Variants in ZNF687 observed in about 807,000 individuals in gnomAD.
The protein encoded by ZNF687 is zinc finger protein 687.
A neutral mutation model predicts 71.8 loss-of-function variants in ZNF687; 13 were observed. The ratio of observed to expected loss-of-function variants is 0.18; its 90% CI spans 0.12 to 0.29. The LOEUF is 0.29. Ranked by LOEUF, ZNF687 falls within the 10% of genes least tolerant of loss-of-function variation. The pLI is 1.00. For synonymous variants in ZNF687, 673 were observed against 641.6 expected (o/e 1.05, Z -0.74); for missense variants, 1,412 against 1,625.6 (o/e 0.87, Z 2.26).
Position 151,287,997 on chromosome 1 carries a change from G to A in ZNF687, c.1706G>A (p.Arg569His). 8.7e-6 allele frequency: 14 copies of A among 1,614,038 alleles called. No individual in the cohort carries two copies. Among genetic ancestry groups the A allele is most frequent in the Non-Finnish European group, 1.1e-5 (13 of 1,180,036 alleles). Residue 569 changes from arginine to histidine, a missense_variant, in exon 2 of 9, where the codon CGC (arginine) becomes CAC (histidine). Arg to His is a conservative substitution (Grantham distance 29). Coordinates refer to ENST00000336715, the MANE Select transcript of ZNF687 (RefSeq NM_020832.3). The surrounding 1 kb of genome is among the most constrained non-coding windows in gnomAD (Gnocchi z 5.0). The stretch of plus-strand genomic sequence containing the variant: ...GTCACCTGCAACCACTGCGCCCGCC[G>A]CCTGGTCTTCTTCAACAAGTGCAGC... ...IEVTCNHCAR[R>H]LVFFNKCSLL...
intron 1 of ZNF687, among the ~76,000 whole-genome samples, chr1:151,282,676 G>A (rs1693766587): frequency 6.6e-6 from 1 of 152,052 alleles, no homozygotes; most frequent in Non-Finnish European, 1.5e-5. Flanking sequence ...AGTGCGGCCC[G>A]GAGATTGAAG....
Position 151,290,844 on chromosome 1 carries a change from A to G in ZNF687, c.3349A>G (p.Ser1117Gly). The change falls in exon 9 of 9, where the codon AGC (serine) becomes GGC (glycine). Residue 1117 changes from serine (S) to glycine (G), a missense_variant. Around this residue, in one of 8 missense-constraint regions of ZNF687, gnomAD observed 284 missense variants for 359.2 expected, o/e 0.79. Transcript: ENST00000336715. ...CCATGGCCCTCTGCGCTACCGGAGCAGCAGCTCCACAGAACAGAGCCTCAT... is the reference window on the plus strand; with the variant it reads ...CCATGGCCCTCTGCGCTACCGGAGCGGCAGCTCCACAGAACAGAGCCTCAT... ...GGHGPLRYRS[S>G]SSTEQSLMMG... The G allele has an allele frequency of 4.3e-6, 7 of 1,614,038 alleles. No homozygotes were observed. The highest frequency in any genetic ancestry group is 5.9e-6 in the Non-Finnish European group (7 of 1,180,014).
At chr1:151,284,326 G>A in intron 1 of ZNF687, 1 of 949,132 alleles carries the variant, frequency 1.1e-6, no homozygotes, top group African/African-American at 1.8e-5. Flanking sequence ...GAGAAGGAAG[G>A]GCTGGCTAGG....
chr1:151,290,260 TC>T lies in ZNF687; in HGVS notation c.3077+28del, dbSNP rs757856738. On this transcript the variant is annotated intron_variant, in intron 7 of 8. Transcript: ENST00000336715. Reference sequence around the variant, plus strand: ...GTAAGTCTTGCTCCCCGCTTCCTCTTCCTGCCCAGCACGTGACTCTCCCTGT... The same window carrying T: ...GTAAGTCTTGCTCCCCGCTTCCTCTTCTGCCCAGCACGTGACTCTCCCTGT... The T allele has an allele frequency of 6.5e-4, 1,050 of 1,612,536 alleles. 12 individuals carry two copies. The highest frequency in any genetic ancestry group is 3.0e-5 in the Non-Finnish European group (35 of 1,178,906).
chr1:151,285,838 T>C (rs116753436), intron 1 of ZNF687: 5,243 of 153,702 alleles, frequency 0.034, 132 homozygotes, highest in Non-Finnish European at 0.047. Context: ...GCCTCCTTTG[T>C]AGCTGCGATT....
rs762198505 is a variant in ZNF687 at position 151,290,989 on chromosome 1, G to A, written c.3494G>A (p.Gly1165Asp). 31 of 1,613,866 alleles carry A rather than the reference G, an allele frequency of 1.9e-5. No homozygotes were observed. Among genetic ancestry groups the A allele is most frequent in the Middle Eastern group, 3.3e-4 (2 of 6,082 alleles). The part of the protein sequence containing the change: ...FISHKKRRGV[G>D]KASALGLGDG... ...AGCCACAAGAAGAGACGGGGTGTGGGTAAAGCCAGTGCCCTGGGGCTGGGG... is the reference window on the plus strand; with the variant it reads ...AGCCACAAGAAGAGACGGGGTGTGGATAAAGCCAGTGCCCTGGGGCTGGGG... Residue 1165 changes from glycine to aspartate, a missense_variant, in exon 9 of 9, where the codon GGT becomes GAT. Physicochemically the swap from Gly to Asp is moderately conservative, Grantham distance 94. Coordinates refer to ENST00000336715, the MANE Select transcript of ZNF687 (RefSeq NM_020832.3).
chr1:151,289,011 A>G, intron 3 of ZNF687, 84 bp from the exon 4 acceptor site: 1 of 1,426,848 alleles, frequency 7.0e-7, no homozygotes, highest in Non-Finnish European at 9.7e-7. Flanking sequence ...TAGTCTACCC[A>G]GTCCCAGAGA....
At chr1:151,284,053 T>C (rs945856543) in intron 1 of ZNF687, 1 of 985,346 alleles carries the variant, frequency 1.0e-6, no homozygotes, top group African/African-American at 1.7e-5. Context: ...TAGTGCCACA[T>C]AATTCTTGTG....
chr1:151,288,096 T>C lies in ZNF687; in HGVS notation c.1805T>C (p.Val602Ala), dbSNP rs1189526825. Residue 602 changes from valine to alanine, a missense_variant, in exon 2 of 9, where the codon GTA (valine) becomes GCA (alanine). By Grantham distance (64) the Val-to-Ala change is moderately conservative (BLOSUM62 0). Around this residue, in one of 8 missense-constraint regions of ZNF687, gnomAD observed 207 missense variants for 239.2 expected, o/e 0.87. Coordinates refer to ENST00000336715, the MANE Select transcript of ZNF687 (RefSeq NM_020832.3). ...TGCTCACATTTGGTCATGAGGCCTG[T>C]AGCCCTTGACCAGATGGTGGGGCAG... ...MQCSHLVMRP[V>A]ALDQMVGQPD... 2 of 1,613,884 alleles carry C rather than the reference T, an allele frequency of 1.2e-6. No individual in the cohort carries two copies. The highest frequency in any genetic ancestry group is 1.7e-6 in the Non-Finnish European group (2 of 1,180,046).
In ZNF687 at chr1:151,290,233, A is replaced by C. The variant is rs762717303; in HGVS notation, c.3076A>C (p.Arg1026=). The C allele has an allele frequency of 1.2e-6, 2 of 1,613,772 alleles. No homozygotes were observed. Among genetic ancestry groups the C allele is most frequent in the Non-Finnish European group, 1.7e-6 (2 of 1,180,006 alleles). Residue 1026 remains arginine (R), a splice_region_variant and synonymous_variant, in exon 7 of 9, where the codon AGG becomes CGG. Transcript: ENST00000336715. ...GGGCATCAAGCGAGTTTACCCCTGC[A>C]GGTAAGTCTTGCTCCCCGCTTCCTC... ...HEGIKRVYPC[R]YCTEGKRTFS...
chr1:151,281,544 T>A (rs978222097), upstream of ZNF687: 1 of 471,018 alleles, frequency 2.1e-6, no homozygotes, highest in African/African-American at 2.0e-5. Context: ...CTTCCCAACC[T>A]TTAGGTCCCG....
At position 151,286,644 on chromosome 1, in the gene ZNF687, T is replaced by G. The variant is rs200167838; in HGVS notation, c.353T>G (p.Val118Gly). The change falls in exon 2 of 9, where the codon GTG (valine) becomes GGG (glycine). Residue 118 changes from valine to glycine, a missense_variant. Coordinates refer to ENST00000336715, the MANE Select transcript of ZNF687 (RefSeq NM_020832.3). ...GCTGGGGTAACTAAAGAAGGGCCTG[T>G]GGGGCCTCATCGAATGCAGAATGGT... Reference protein sequence around the residue: ...QAAGVTKEGPVGPHRMQNGFG... With the variant: ...QAAGVTKEGPGGPHRMQNGFG... The G allele has an allele frequency of 6.2e-7, 1 of 1,614,214 alleles. No individual in the cohort carries two copies. Among genetic ancestry groups the G allele is most frequent in the East Asian group, 2.2e-5 (1 of 44,878 alleles).
Position 151,289,543 on chromosome 1 carries a change from A to AC in ZNF687, c.2634+4dup. 1 of 1,614,064 alleles carries AC rather than the reference A, an allele frequency of 6.2e-7. No individual in the cohort carries two copies. The highest frequency in any genetic ancestry group is 8.5e-7 in the Non-Finnish European group (1 of 1,180,034). On this transcript the variant is annotated splice_donor_region_variant and intron_variant, in intron 5 of 8. Coordinates refer to ENST00000336715, the MANE Select transcript of ZNF687 (RefSeq NM_020832.3). ...GGACCATGCTGGAACATCTCAAGGTACAGGAGCAGAGGGATGGGGAATGGG... is the reference window on the plus strand; with the variant it reads ...GGACCATGCTGGAACATCTCAAGGTACCAGGAGCAGAGGGATGGGGAATGGG...
chr1:151,283,041 G>A, intron 1 of ZNF687: 2 of 910,734 alleles, frequency 2.2e-6, no homozygotes, highest in Non-Finnish European at 2.6e-6. Context: ...TGGGTCCCCA[G>A]GTGCTGCGCA....
Position 151,286,543 on chromosome 1 carries a change from C to G in ZNF687, c.252C>G (p.Val84=). 6.2e-7 allele frequency: 1 copy of G among 1,614,190 alleles called. No homozygotes were observed. The highest frequency in any genetic ancestry group is 8.5e-7 in the Non-Finnish European group (1 of 1,180,044). ...CGCCAGACATTTCTGTAGTCAGTGT[C>G]ATTGTCAAGAACACTGTGTGTCCCG... is the stretch of plus-strand genomic sequence containing the variant. ...LPPPDISVVS[V]IVKNTVCPEQ... The change falls in exon 2 of 9, where the codon GTC becomes GTG. Residue 84 remains valine, a synonymous_variant. Transcript: ENST00000336715.
At chr1:151,281,593 C>T (rs777340847), upstream of ZNF687, 3 of 471,244 alleles carry the variant, frequency 6.4e-6, no homozygotes, top group South Asian at 4.6e-5. Flanking sequence ...CCGTCCACGC[C>T]CTCCCGCAGA....
At position 151,292,064 on chromosome 1, in the gene ZNF687, G is replaced by GA. The variant is rs1694315208; in HGVS notation, c.*855_*856insA. Reference sequence around the variant, plus strand: ...TGCCTTTTGTATCTTGGACACTGAGGCATCCGTTCATACCTCATCACCCAT... The same window carrying GA: ...TGCCTTTTGTATCTTGGACACTGAGGACATCCGTTCATACCTCATCACCCAT... On this transcript the variant is annotated 3_prime_UTR_variant, in exon 9 of 9. Coordinates refer to ENST00000336715, the MANE Select transcript of ZNF687 (RefSeq NM_020832.3). 1.3e-5 allele frequency: 2 copies of GA among 152,098 alleles called. No homozygotes were observed. The highest frequency in any genetic ancestry group is 1.3e-4 in the Admixed American group (2 of 15,262). 9.4% of individuals were successfully genotyped at this position (152,098 alleles called of 1,614,324 possible). A position where few individuals can be genotyped will look rare whatever the true frequency, so the allele number is the denominator to read the frequency against.
Position 151,287,431 on chromosome 1 carries a change from T to G in ZNF687, c.1140T>G (p.Ser380=). 6.2e-7 allele frequency: 1 copy of G among 1,614,146 alleles called. No homozygotes were observed. The highest frequency in any genetic ancestry group is 8.5e-7 in the Non-Finnish European group (1 of 1,180,026). ...AGCTGTCCCCTGCAACACCTACTTC[T>G]GAGGGTCCAAAGGTGGTGAGCGTAC... is the stretch of plus-strand genomic sequence containing the variant. The part of the protein sequence containing the change: ...LLKLSPATPT[S]EGPKVVSVQL... The change falls in exon 2 of 9, where the codon TCT becomes TCG. Residue 380 remains serine, a synonymous_variant. Transcript: ENST00000336715. This position sits in a 1 kb window ranked among gnomAD's most constrained non-coding sequence, Gnocchi z 5.0.
intron 7 of ZNF687, 27 bp from the exon 8 acceptor site, chr1:151,290,405 C>G: frequency 6.2e-7 from 1 of 1,613,664 alleles, no homozygotes; most frequent in East Asian, 2.2e-5. Flanking sequence ...TGTGCCGCTG[C>G]TGCCATCCTG....
Sources: gnomAD v4.1 joint callset for allele counts (sites outside exome capture counted in the v4.1 genomes callset) on GRCh38, gnomAD v4.1.1 for gene constraint, gnomAD v4.1.1 regional missense constraint, Gnocchi (gnomAD v3.1) non-coding constraint, MANE v1.5 for transcripts, NCBI Gene and HGNC (gene_info 2026-07-23, HGNC 2026-07-21) for gene names.